Variants in MOXD1 observed in about 807,000 individuals in gnomAD.
MOXD1 encodes DBH-like monooxygenase protein 1.
A neutral mutation model predicts 66.6 loss-of-function variants in MOXD1; 62 were observed. The observed-to-expected ratio is 0.93, with a 90% CI of 0.76 to 1.15. The LOEUF (loss-of-function observed/expected upper bound fraction) is 1.15, where lower values mean the gene tolerates loss of function less well. Ranked by LOEUF, MOXD1 falls within the 50% of genes most tolerant of loss-of-function variation. The pLI is 0.00. For synonymous variants in MOXD1, 303 were observed against 281.9 expected (o/e 1.07, Z -0.75); for missense variants, 847 against 754.6 (o/e 1.12, Z -1.44).
chr6:132,298,896 T>C (rs1407764254), intron 10 of MOXD1, among the ~76,000 whole-genome samples: 1 of 152,132 alleles, frequency 6.6e-6, no homozygotes, highest in Non-Finnish European at 1.5e-5. Flanking sequence ...AGAACTACCA[T>C]TCAACCCAGT....
intron 4 of MOXD1, among the ~76,000 whole-genome samples, chr6:132,333,079 G>A (rs970753167): frequency 2.6e-5 from 4 of 152,178 alleles, no homozygotes; most frequent in African/African-American, 7.2e-5. Flanking sequence ...GCTCACGCCT[G>A]TAATCCCAGC....
At chr6:132,301,591 G>A (rs1270092333) in intron 10 of MOXD1, among the ~76,000 whole-genome samples, 2 of 151,986 alleles carry the variant, frequency 1.3e-5, no homozygotes, top group African/African-American at 4.8e-5. Flanking sequence ...TAGAGAAGGA[G>A]AAGGAAGGAA....
intron 1 of MOXD1, among the ~76,000 whole-genome samples, chr6:132,400,263 CT>C (rs1562304208): frequency 6.6e-6 from 1 of 152,154 alleles, no homozygotes; most frequent in African/African-American, 2.4e-5. Flanking sequence ...TGGATCAAGA[CT>C]TTTAGCAAAG....
In MOXD1 at chr6:132,297,831, G is replaced by T. The variant is rs761379687; in HGVS notation, c.1633C>A (p.Pro545Thr). ...LSFNKLVLSLPVNVRCSKTDN... is the reference protein window; with the variant it reads ...LSFNKLVLSLTVNVRCSKTDN... ...GTCTTGGAACATCTCACATTCACTG[G>T]CAGGCTGAGGACCAGCTTGTTGAAG... Residue 545 changes from proline (P) to threonine (T), a missense_variant, in exon 11 of 12, where the codon CCA becomes ACA. Pro to Thr is a conservative substitution (Grantham distance 38, BLOSUM62 -1). Coordinates refer to ENST00000367963, the MANE Select transcript of MOXD1 (RefSeq NM_015529.4). 1.2e-6 allele frequency: 2 copies of T among 1,612,622 alleles called. No homozygotes were observed. Among genetic ancestry groups the T allele is most frequent in the South Asian group, 1.1e-5 (1 of 90,946 alleles).
intron 1 of MOXD1, chr6:132,375,157 C>T (rs1582602101): frequency 6.9e-6 from 2 of 289,042 alleles, no homozygotes; most frequent in Non-Finnish European, 1.3e-5. Context: ...GCAGCAAAGC[C>T]AGAATCAGCC....
chr6:132,373,407 GA>G (rs1306586874), intron 2 of MOXD1, among the ~76,000 whole-genome samples: 1 of 152,158 alleles, frequency 6.6e-6, no homozygotes, highest in Non-Finnish European at 1.5e-5. Context: ...AGATTTTAGG[GA>G]AAAATTAATA....
intron 4 of MOXD1, among the ~76,000 whole-genome samples, chr6:132,339,105 A>G (rs1328211038): frequency 6.6e-6 from 1 of 152,196 alleles, no homozygotes; most frequent in African/African-American, 2.4e-5. Context: ...GTAATCATGA[A>G]ATATATATTT....
In MOXD1 at chr6:132,315,602, G is replaced by A. The variant is rs560143278; in HGVS notation, c.1508+33C>T. The A allele has an allele frequency of 3.8e-5, 61 of 1,586,530 alleles. 1 individual carries two copies. The South Asian group carries it at 5.3e-4, about 14-fold the overall frequency. ...TAAAGCCCATCTTTCTCTGAAATAC[G>A]TTACCCCATCATAAAATACATTTAC... is the stretch of plus-strand genomic sequence containing the variant. On this transcript the variant is annotated intron_variant, in intron 10 of 11. Transcript: ENST00000367963.
At position 132,297,816 on chromosome 6, in the gene MOXD1, A is replaced by G. The variant is rs760636487; in HGVS notation, c.1648T>C (p.Cys550Arg). ...LVLSLPVNVR[C>R]SKTDNAEWSI... is the part of the protein sequence containing the mutation. ...CACTCAGCATTGTCTGTCTTGGAAC[A>G]TCTCACATTCACTGGCAGGCTGAGG... Residue 550 changes from cysteine to arginine, a missense_variant, in exon 11 of 12, where the codon TGT becomes CGT. By Grantham distance (180) the Cys-to-Arg change is radical. Coordinates refer to ENST00000367963, the MANE Select transcript of MOXD1 (RefSeq NM_015529.4). 2 of 1,612,338 alleles carry G rather than the reference A, an allele frequency of 1.2e-6. No individual in the cohort carries two copies. The highest frequency in any genetic ancestry group is 1.7e-4 in the Middle Eastern group (1 of 6,036).
At chr6:132,389,255 G>A (rs73547919) in intron 1 of MOXD1, among the ~76,000 whole-genome samples, 14,350 of 151,146 alleles carry the variant, frequency 0.095, 2,275 homozygotes, top group African/African-American at 0.32. Flanking sequence ...ATCCCAGAAG[G>A]GTTTCCATGC....
Position 132,328,453 on chromosome 6 carries a change from A to G in MOXD1, c.805T>C (p.Cys269Arg), listed in dbSNP as rs1200038839. The G allele has an allele frequency of 2.5e-6, 4 of 1,613,464 alleles. No individual in the cohort carries two copies. Among genetic ancestry groups the G allele is most frequent in the Non-Finnish European group, 2.5e-6 (3 of 1,179,486 alleles). Reference protein sequence around the residue: ...HPNMPDAFLTCETVIFAWAIG... With the variant: ...HPNMPDAFLTRETVIFAWAIG... ...GCCCAGGCAAAAATCACAGTTTCAC[A>G]GGTGAGGAATGCATCGGGCATGTTG... Residue 269 changes from cysteine to arginine, a missense_variant, in exon 5 of 12, where the codon TGT becomes CGT. Coordinates refer to ENST00000367963, the MANE Select transcript of MOXD1 (RefSeq NM_015529.4).
At chr6:132,327,564 A>T (rs1034935986) in intron 6 of MOXD1, among the ~76,000 whole-genome samples, 2 of 152,230 alleles carry the variant, frequency 1.3e-5, no homozygotes, top group Non-Finnish European at 2.9e-5. Context: ...ACACGGTGTC[A>T]CTGCATAAGT....
rs143203760 is a variant in MOXD1, at chr6:132,372,922, T to G, written c.487A>C (p.Asn163His). Residue 163 changes from asparagine to histidine, a missense_variant, in exon 3 of 12, where the codon AAT becomes CAT. Transcript: ENST00000367963. ...AACCGCAAACTCTTGGTGCCCCTAT[T>G]GGAGTCATGGTACTTGGGACCAGCT... ...GEAGPKYHDS[N>H]RGTKSLRLLN... 18 of 1,613,940 alleles carry G rather than the reference T, an allele frequency of 1.1e-5. No individual in the cohort carries two copies. The highest frequency in any genetic ancestry group is 1.4e-5 in the Non-Finnish European group (16 of 1,179,934).
intron 1 of MOXD1, chr6:132,392,357 T>C (rs1350378632): frequency 6.5e-7 from 1 of 1,535,390 alleles, no homozygotes; most frequent in Non-Finnish European, 8.8e-7. Context: ...TATACCCCCA[T>C]AAGAAGGGTG....
chr6:132,352,850 T>G (rs1775830070), intron 4 of MOXD1, among the ~76,000 whole-genome samples: 2 of 152,210 alleles, frequency 1.3e-5, no homozygotes, highest in Admixed American at 1.3e-4. Context: ...TTGTGATATT[T>G]TCCTGCTGGA....
chr6:132,376,195 T>C (rs1055570658), intron 1 of MOXD1, among the ~76,000 whole-genome samples: 2 of 152,246 alleles, frequency 1.3e-5, no homozygotes, highest in African/African-American at 4.8e-5. Context: ...AGAATATACA[T>C]GCTGAAACAT....
chr6:132,337,072 A>G (rs1040667627), intron 4 of MOXD1, among the ~76,000 whole-genome samples: 10 of 152,250 alleles, frequency 6.6e-5, no homozygotes, highest in Non-Finnish European at 1.0e-4. Flanking sequence ...AGACAAGATA[A>G]GACAGGTTTG....
chr6:132,349,766 G>T (rs1005984376), intron 4 of MOXD1, among the ~76,000 whole-genome samples: 1 of 151,374 alleles, frequency 6.6e-6, no homozygotes, highest in Non-Finnish European at 1.5e-5. Context: ...CCTGATCACC[G>T]CATCCACACC....
chr6:132,296,983 G>A lies in MOXD1; in HGVS notation c.*170C>T. The A allele has an allele frequency of 1.8e-6, 1 of 564,524 alleles. No individual in the cohort carries two copies. The highest frequency in any genetic ancestry group is 3.1e-6 in the Non-Finnish European group (1 of 327,334). The allele number at this position is 564,524 out of a possible 1,614,324, so 35.0% of individuals were successfully genotyped here. A position where few individuals can be genotyped will look rare whatever the true frequency, so the allele number is the denominator to read the frequency against. On this transcript the variant is annotated 3_prime_UTR_variant, in exon 12 of 12. Coordinates refer to ENST00000367963, the MANE Select transcript of MOXD1 (RefSeq NM_015529.4). Reference sequence around the variant, plus strand: ...TCAGATATTTCTAAGAAAGAGAAGAGAACCTGATTGATGTCTCTCATGTAA... The same window carrying A: ...TCAGATATTTCTAAGAAAGAGAAGAAAACCTGATTGATGTCTCTCATGTAA...
Sources: gnomAD v4.1 joint callset for allele counts (sites outside exome capture counted in the v4.1 genomes callset) on GRCh38, gnomAD v4.1.1 for gene constraint, MANE v1.5 for transcripts, NCBI Gene and HGNC (gene_info 2026-07-23, HGNC 2026-07-21) for gene names.